ZNF774: variants seen among roughly 807,000 people sequenced by gnomAD.
The protein encoded by ZNF774 is zinc finger protein 774.
Under a neutral mutation model 11.1 loss-of-function variants are expected in ZNF774, and 14 were observed. The observed-to-expected ratio is 1.26, with a 90% confidence interval of 0.83 to 1.97. The LOEUF (loss-of-function observed/expected upper bound fraction) is 1.97. Among genes scored for constraint, ZNF774 ranks in the 30% most tolerant of loss-of-function variants. The pLI is 0.00. For missense variants in ZNF774, 599 were observed against 587.0 expected (o/e 1.02, Z -0.21); for synonymous variants, 195 against 212.6 (o/e 0.92, Z 0.72).
chr15:90,361,324 C>A lies in ZNF774; in HGVS notation c.*41C>A, dbSNP rs1462161499. Reference sequence around the variant, plus strand: ...GTTCAGCTGCTCCCTTGCACATTTTCATTGCTACTGTCTTCAAGCACCCCA... The same window carrying A: ...GTTCAGCTGCTCCCTTGCACATTTTAATTGCTACTGTCTTCAAGCACCCCA... On this transcript the variant is annotated 3_prime_UTR_variant, in exon 4 of 4. Transcript: ENST00000354377. 6.5e-7 allele frequency: 1 copy of A among 1,539,598 alleles called. No individual in the cohort carries two copies. Among genetic ancestry groups the A allele is most frequent in the Non-Finnish European group, 8.7e-7 (1 of 1,146,520 alleles).
At position 90,358,934 on chromosome 15, in the gene ZNF774, A is replaced by C. The variant is rs1964284665; in HGVS notation, c.188A>C (p.Lys63Thr). ...CCACTCCAAAACTTTGAGGCGAGGA[A>C]GATCCCGAGGGAAAGCCACACAGGT... Reference protein sequence around the residue: ...VLPLQNFEARKIPRESHTDCE... With the variant: ...VLPLQNFEARTIPRESHTDCE... The change falls in exon 3 of 4, where the codon AAG becomes ACG. Residue 63 changes from lysine (K) to threonine (T), a missense_variant. By Grantham distance (78) the Lys-to-Thr change is moderately conservative. Transcript: ENST00000354377. The C allele has an allele frequency of 6.2e-7, 1 of 1,613,704 alleles. No homozygotes were observed. The highest frequency in any genetic ancestry group is 8.5e-7 in the Non-Finnish European group (1 of 1,179,804).
Position 90,358,938 on chromosome 15 carries a change from C to A in ZNF774, c.192C>A (p.Ile64=). 1 of 1,613,680 alleles carries A rather than the reference C, an allele frequency of 6.2e-7. No homozygotes were observed. The highest frequency in any genetic ancestry group is 8.5e-7 in the Non-Finnish European group (1 of 1,179,754). The part of the protein sequence containing the change: ...LPLQNFEARK[I]PRESHTDCEH... ...TCCAAAACTTTGAGGCGAGGAAGAT[C>A]CCGAGGGAAAGCCACACAGGTGAGA... Residue 64 remains isoleucine (I), a synonymous_variant, in exon 3 of 4, where the codon ATC becomes ATA. Coordinates refer to ENST00000354377, the MANE Select transcript of ZNF774 (RefSeq NM_001004309.3).
At chr15:90,355,900 G>A (rs1373295788) in intron 2 of ZNF774, among the ~76,000 whole-genome samples, 2 of 150,182 alleles carry the variant, frequency 1.3e-5, no homozygotes, top group Non-Finnish European at 3.0e-5. Flanking sequence ...ATGGTGGTGG[G>A]CACCTGTAGT....
intron 2 of ZNF774, 92 bp downstream of exon 2, chr15:90,354,856 G>A (rs1225121937): frequency 8.6e-6 from 9 of 1,046,008 alleles, no homozygotes; most frequent in Non-Finnish European, 1.3e-5. Context: ...GTGCAGTGGC[G>A]CGATCTCGAT....
Position 90,362,492 on chromosome 15 carries a change from C to T in ZNF774, c.*1209C>T, listed in dbSNP as rs1186117796. ...GAAGCAACTCTTGTTTTCTAATTTGCTGGGTCATTGGCCATTTAGTTTTAG... is the reference window on the plus strand; with the variant it reads ...GAAGCAACTCTTGTTTTCTAATTTGTTGGGTCATTGGCCATTTAGTTTTAG... On this transcript the variant is annotated 3_prime_UTR_variant, in exon 4 of 4. Coordinates refer to ENST00000354377, the MANE Select transcript of ZNF774 (RefSeq NM_001004309.3). 5 of 1,496,502 alleles carry T rather than the reference C, an allele frequency of 3.3e-6. No homozygotes were observed. The Admixed American group carries it at 9.9e-5, about 30-fold the overall frequency. The allele number at this position is 1,496,502 out of a possible 1,614,324, so 92.7% of individuals were successfully genotyped here.
chr15:90,359,363 C>T (rs1185665366), intron 3 of ZNF774, among the ~76,000 whole-genome samples: 7 of 152,150 alleles, frequency 4.6e-5, no homozygotes, highest in African/African-American at 1.2e-4. Context: ...TGAGCCACCG[C>T]GCCCGGCCAC....
At position 90,360,586 on chromosome 15, in the gene ZNF774, T is replaced by C. The variant is rs762520043; in HGVS notation, c.755T>C (p.Met252Thr). Residue 252 changes from methionine (M) to threonine (T), a missense_variant, in exon 4 of 4, where the codon ATG (methionine) becomes ACG (threonine). Met to Thr is a moderately conservative substitution (Grantham distance 81). Coordinates refer to ENST00000354377, the MANE Select transcript of ZNF774 (RefSeq NM_001004309.3). Reference sequence around the variant, plus strand: ...TTTGGGCGGAAGCCACACCTCATAATGCACCAAAGAACCCACACAGGCGAG... The same window carrying C: ...TTTGGGCGGAAGCCACACCTCATAACGCACCAAAGAACCCACACAGGCGAG... ...KTFGRKPHLI[M>T]HQRTHTGEKP... The C allele has an allele frequency of 2.4e-5, 39 of 1,611,342 alleles. No homozygotes were observed. The highest frequency in any genetic ancestry group is 3.1e-5 in the Non-Finnish European group (37 of 1,179,314).
At chr15:90,357,864 G>A (rs1438472506) in intron 2 of ZNF774, among the ~76,000 whole-genome samples, 1 of 151,220 alleles carries the variant, frequency 6.6e-6, no homozygotes, top group Non-Finnish European at 1.5e-5. Flanking sequence ...GTGAGCTACT[G>A]CACCTGGCCA....
chr15:90,359,612 G>T (rs1327502060), intron 3 of ZNF774, among the ~76,000 whole-genome samples: 2 of 151,892 alleles, frequency 1.3e-5, no homozygotes, highest in Non-Finnish European at 2.9e-5. Flanking sequence ...CCGCCACCAC[G>T]CCCAGCTAAT....
rs770395209 is a variant in ZNF774 at position 90,360,125 on chromosome 15, T to C, written c.294T>C (p.Asn98=). The change falls in exon 4 of 4, where the codon AAT becomes AAC. Residue 98 remains asparagine, a synonymous_variant. Coordinates refer to ENST00000354377, the MANE Select transcript of ZNF774 (RefSeq NM_001004309.3). ...GTGGAACATCCTCAGAAAGGACCAA[T>C]AAAGATCTTTCTCATACTCTTAGTT... is the stretch of plus-strand genomic sequence containing the variant. The part of the protein sequence containing the change: ...EQCGTSSERT[N]KDLSHTLSWG... 2 of 1,614,128 alleles carry C rather than the reference T, an allele frequency of 1.2e-6. No individual in the cohort carries two copies. The highest frequency in any genetic ancestry group is 1.1e-5 in the South Asian group (1 of 91,082).
chr15:90,358,556 A>G (rs1294103148), intron 2 of ZNF774, among the ~76,000 whole-genome samples: 2 of 152,246 alleles, frequency 1.3e-5, no homozygotes, highest in East Asian at 3.9e-4. Context: ...TCCTCTCCAT[A>G]TTTAGCTTTA....
In ZNF774 at chr15:90,361,014, C is replaced by G; in HGVS notation, c.1183C>G (p.Arg395Gly). ...ADSSALIKHQ[R>G]IHTGERPYKC... ...CAGCTCCGCCCTCATTAAGCACCAA[C>G]GAATCCACACCGGAGAAAGACCCTA... is the stretch of plus-strand genomic sequence containing the variant. The change falls in exon 4 of 4, where the codon CGA (arginine) becomes GGA (glycine). Residue 395 changes from arginine to glycine, a missense_variant. Coordinates refer to ENST00000354377, the MANE Select transcript of ZNF774 (RefSeq NM_001004309.3). 1 of 1,614,110 alleles carries G rather than the reference C, an allele frequency of 6.2e-7. No individual in the cohort carries two copies. The highest frequency in any genetic ancestry group is 8.5e-7 in the Non-Finnish European group (1 of 1,180,012).
At position 90,358,901 on chromosome 15, in the gene ZNF774, G is replaced by A. The variant is rs1292592288; in HGVS notation, c.155G>A (p.Trp52Ter). ...CAGCCGGAGCAGAAAGAAGAGCCAT[G>A]GGTCCTACCACTCCAAAACTTTGAG... ...ISQPEQKEEPWVLPLQNFEAR... is the reference protein window; with the variant it reads ...ISQPEQKEEP Residue 52 changes from tryptophan to a stop codon, truncating the protein, a stop_gained, in exon 3 of 4, where the codon TGG becomes TAG. Transcript: ENST00000354377. LOFTEE classifies it high-confidence loss of function. 1 of 1,613,518 alleles carries A rather than the reference G, an allele frequency of 6.2e-7. No individual in the cohort carries two copies. The highest frequency in any genetic ancestry group is 1.7e-5 in the Admixed American group (1 of 59,986).
chr15:90,354,857 C>T (rs117263174), intron 2 of ZNF774, 93 bp downstream of exon 2: 12,084 of 1,030,670 alleles, frequency 0.012, 102 homozygotes, highest in Non-Finnish European at 0.014. Flanking sequence ...TGCAGTGGCG[C>T]GATCTCGATT....
In ZNF774 at chr15:90,361,023, A is replaced by T. The variant is rs186360616; in HGVS notation, c.1192A>T (p.Thr398Ser). 1.2e-6 allele frequency: 2 copies of T among 1,614,144 alleles called. No individual in the cohort carries two copies. Among genetic ancestry groups the T allele is most frequent in the East Asian group, 2.2e-5 (1 of 44,876 alleles). The change falls in exon 4 of 4, where the codon ACC (threonine) becomes TCC (serine). Residue 398 changes from threonine (T) to serine (S), a missense_variant. Thr to Ser is a moderately conservative substitution (Grantham distance 58). Transcript: ENST00000354377. Reference protein sequence around the residue: ...SALIKHQRIHTGERPYKCGEC... With the variant: ...SALIKHQRIHSGERPYKCGEC... Reference sequence around the variant, plus strand: ...CCTCATTAAGCACCAACGAATCCACACCGGAGAAAGACCCTACAAATGTGG... The same window carrying T: ...CCTCATTAAGCACCAACGAATCCACTCCGGAGAAAGACCCTACAAATGTGG...
intron 2 of ZNF774, among the ~76,000 whole-genome samples, chr15:90,356,158 G>A (rs1223621676): frequency 2.9e-5 from 4 of 135,734 alleles, no homozygotes; most frequent in Non-Finnish European, 6.2e-5. Context: ...TCGCTGTGTC[G>A]CCCAGGCTGG....
chr15:90,362,301 T>C lies in ZNF774; in HGVS notation c.*1018T>C, dbSNP rs1964347423. 1.7e-5 allele frequency: 8 copies of C among 469,296 alleles called. No homozygotes were observed. Among genetic ancestry groups the C allele is most frequent in the Admixed American group, 1.0e-4 (3 of 29,268 alleles). 29.1% of individuals were successfully genotyped at this position (469,296 alleles called of 1,614,324 possible). A position where few individuals can be genotyped will look rare whatever the true frequency, so the allele number is the denominator to read the frequency against. The stretch of plus-strand genomic sequence containing the variant: ...TTTCAGAAGCTCTTTTAAATGGCAG[T>C]GTATGGCAGTGTATCTACCAGAGGT... On this transcript the variant is annotated 3_prime_UTR_variant, in exon 4 of 4. Transcript: ENST00000354377.
At chr15:90,357,478 G>A (rs757171850) in intron 2 of ZNF774, among the ~76,000 whole-genome samples, 1 of 152,202 alleles carries the variant, frequency 6.6e-6, no homozygotes, top group African/African-American at 2.4e-5. Flanking sequence ...TCTCCAGCCT[G>A]GGTGACAGAG....
At chr15:90,353,086 G>A (rs935750281) in intron 1 of ZNF774, among the ~76,000 whole-genome samples, 2 of 151,858 alleles carry the variant, frequency 1.3e-5, no homozygotes, top group African/African-American at 4.8e-5. Flanking sequence ...TCCTGCCTCA[G>A]CCTCCCAAGT....
Sources: gnomAD v4.1 joint callset for allele counts (sites outside exome capture counted in the v4.1 genomes callset) on GRCh38, gnomAD v4.1.1 for gene constraint, MANE v1.5 for transcripts, NCBI Gene and HGNC (gene_info 2026-07-23, HGNC 2026-07-21) for gene names.